The following SHISA9 variants were observed in gnomAD, a reference collection of about 807,000 sequenced individuals.
The protein encoded by SHISA9 is shisa family member 9, also known as protein shisa-9.
A neutral mutation model predicts 38.0 loss-of-function variants in SHISA9; 13 were observed. The ratio of observed to expected loss-of-function variants is 0.34; its 90% CI spans 0.22 to 0.54. SHISA9 has a LOEUF of 0.54. SHISA9 is among the 20% of genes least tolerant of loss of function. The pLI, the probability that SHISA9 is intolerant of heterozygous loss-of-function variation, is 0.91. For synonymous variants in SHISA9, 275 were observed against 242.0 expected (o/e 1.14, Z -1.27); for missense variants, 538 against 575.8 (o/e 0.93, Z 0.67).
chr16:13,513,078 C>T, the SHISA9 span, among the ~76,000 whole-genome samples: 3 of 152,172 alleles, frequency 2.0e-5, no homozygotes, highest in African/African-American at 4.8e-5. Context: ...AGGCAACCTA[C>T]AGAATGGGAG....
chr16:13,399,993 C>T, the SHISA9 span, among the ~76,000 whole-genome samples: 89 of 152,326 alleles, frequency 5.8e-4, no homozygotes, highest in African/African-American at 8.4e-4. Context: ...TGCTTTCAAG[C>T]GTATCAGGTG....
the SHISA9 span, among the ~76,000 whole-genome samples, chr16:13,397,043 ATCCACT>A: frequency 1.3e-5 from 2 of 152,156 alleles, no homozygotes; most frequent in African/African-American, 4.8e-5. Context: ...CTTTATGATG[ATCCACT>A]TCCACTTATT....
intron 2 of SHISA9, among the ~76,000 whole-genome samples, chr16:13,036,231 G>C (rs1402128679): frequency 6.6e-6 from 1 of 152,182 alleles, no homozygotes; most frequent in East Asian, 1.9e-4. Context: ...CAAGCTAAAA[G>C]TAACCCCCAA....
chr16:13,045,129 G>C (rs1032506721), intron 2 of SHISA9, among the ~76,000 whole-genome samples: 10 of 152,168 alleles, frequency 6.6e-5, no homozygotes, highest in African/African-American at 2.2e-4. Context: ...TGTTATTATG[G>C]ATGGGAATAA....
intron 2 of SHISA9, among the ~76,000 whole-genome samples, chr16:13,081,688 C>G (rs1362668947): frequency 1.3e-5 from 2 of 151,922 alleles, no homozygotes; most frequent in South Asian, 2.1e-4. Context: ...CAACACAGCA[C>G]TTTAGAGGGT....
chr16:13,126,668 G>A (rs989861758), intron 2 of SHISA9, among the ~76,000 whole-genome samples: 1 of 147,054 alleles, frequency 6.8e-6, no homozygotes, highest in Non-Finnish European at 1.5e-5. Flanking sequence ...ACTGAGGAAG[G>A]GAGAGAGAGA....
At chr16:12,928,331 T>TGTGC (rs1555501019) in intron 2 of SHISA9, among the ~76,000 whole-genome samples, 1 of 87,816 alleles carries the variant, frequency 1.1e-5, no homozygotes, top group East Asian at 4.5e-4. Context: ...TGTGTGTGTG[T>TGTGC]ATGTGTGTGT....
intron 2 of SHISA9, among the ~76,000 whole-genome samples, chr16:13,051,355 AC>A (rs1481311929): frequency 5.3e-5 from 8 of 152,264 alleles, no homozygotes; most frequent in African/African-American, 1.9e-4. Context: ...GGGGGAAACC[AC>A]CCCGATGATG....
intron 2 of SHISA9, among the ~76,000 whole-genome samples, chr16:13,173,153 GCACACACACACACA>G (rs10589865): frequency 6.6e-6 from 1 of 150,686 alleles, no homozygotes; most frequent in Non-Finnish European, 1.5e-5. Flanking sequence ...ATGCACGTGC[GCACACACACACACA>G]CACACACACA....
At chr16:13,119,751 C>A (rs998119287) in intron 2 of SHISA9, among the ~76,000 whole-genome samples, 1 of 152,080 alleles carries the variant, frequency 6.6e-6, no homozygotes, top group African/African-American at 2.4e-5. Context: ...GAGGACTGTT[C>A]GATGGATCTT....
the SHISA9 span, among the ~76,000 whole-genome samples, chr16:13,406,939 G>A: frequency 5.9e-4 from 89 of 151,858 alleles, no homozygotes; most frequent in Non-Finnish European, 1.0e-3. Context: ...GTGGTGGCGC[G>A]TGTCTGTAAT....
chr16:13,066,398 A>G (rs148059448), intron 2 of SHISA9, among the ~76,000 whole-genome samples: 2 of 152,256 alleles, frequency 1.3e-5, no homozygotes, highest in African/African-American at 4.8e-5. Context: ...GTTTATTTAT[A>G]TTTGATATGT....
the SHISA9 span, among the ~76,000 whole-genome samples, chr16:13,407,463 C>T: frequency 6.6e-6 from 1 of 152,144 alleles, no homozygotes; most frequent in Non-Finnish European, 1.5e-5. Context: ...AAAGGCCTCA[C>T]CTCCAAATAC....
intron 2 of SHISA9, among the ~76,000 whole-genome samples, chr16:13,128,753 C>T (rs1167697843): frequency 2.6e-5 from 4 of 152,158 alleles, no homozygotes; most frequent in African/African-American, 9.7e-5. Flanking sequence ...CTGAAAGTCC[C>T]TGATCCTGTT....
At chr16:13,531,861 A>C in the SHISA9 span, among the ~76,000 whole-genome samples, 1 of 152,218 alleles carries the variant, frequency 6.6e-6, no homozygotes, top group African/African-American at 2.4e-5. Flanking sequence ...GGCCTAAATG[A>C]AAGCTATTAA....
chr16:13,363,387 A>T, the SHISA9 span, among the ~76,000 whole-genome samples: 1 of 152,174 alleles, frequency 6.6e-6, no homozygotes, highest in Non-Finnish European at 1.5e-5. Context: ...CCTAAGGCAA[A>T]CCTGGTAAAC....
In SHISA9 at chr16:13,238,336, G is replaced by A. The variant is rs1340035147; in HGVS notation, c.*2927G>A. ...TATGATCATTGTGCATACACTAGGG[G>A]TGCATAGCCCACACTTCAGAAAACC... On this transcript the variant is annotated 3_prime_UTR_variant, in exon 5 of 5. Transcript: ENST00000558583. 1 of 152,188 alleles carries A rather than the reference G, an allele frequency of 6.6e-6. No homozygotes were observed. Among genetic ancestry groups the A allele is most frequent in the African/African-American group, 2.4e-5 (1 of 41,452 alleles). The allele number at this position is 152,188 out of a possible 1,614,324, so 9.4% of individuals were successfully genotyped here. A position where few individuals can be genotyped will look rare whatever the true frequency, so the allele number is the denominator to read the frequency against.
At chr16:13,406,340 C>T in the SHISA9 span, among the ~76,000 whole-genome samples, 7 of 152,304 alleles carry the variant, frequency 4.6e-5, no homozygotes, top group East Asian at 1.4e-3. Flanking sequence ...TTACTCTTAA[C>T]TTTCCTGTCT....
chr16:13,424,352 T>C, the SHISA9 span, among the ~76,000 whole-genome samples: 5 of 152,346 alleles, frequency 3.3e-5, no homozygotes, highest in East Asian at 9.6e-4. Context: ...TACTCCAATG[T>C]TGCCCACTTC....
Sources: allele counts gnomAD v4.1 joint callset (sites outside exome capture counted in the v4.1 genomes callset), GRCh38; gene constraint gnomAD v4.1.1; transcripts MANE v1.5; gene names NCBI Gene and HGNC (gene_info 2026-07-23, HGNC 2026-07-21).